RABEP1: variants seen among roughly 807,000 people sequenced by gnomAD.
RABEP1 encodes the protein rab GTPase-binding effector protein 1.
A neutral mutation model predicts 123.4 loss-of-function variants in RABEP1; 51 were observed. That is an observed-to-expected ratio of 0.41 (90% CI 0.33 to 0.52). The LOEUF (loss-of-function observed/expected upper bound fraction) is 0.52. Among genes scored for constraint, RABEP1 ranks in the 20% least tolerant of loss-of-function variants. The pLI, the probability that RABEP1 is intolerant of heterozygous loss-of-function variation, is 0.16. For synonymous variants in RABEP1, 347 were observed against 355.2 expected, an observed-to-expected ratio of 0.98 and a Z score of 0.26; for missense variants, 888 against 996.3, an observed-to-expected ratio of 0.89 and a Z score of 1.46.
intron 1 of RABEP1, among the ~76,000 whole-genome samples, chr17:5,296,887 G>A (rs2075088487): frequency 6.6e-6 from 1 of 152,100 alleles, no homozygotes; most frequent in African/African-American, 2.4e-5. Context: ...CTACAGGTGT[G>A]CACCACCACA....
chr17:5,291,784 TC>T (rs2144456774), intron 1 of RABEP1, among the ~76,000 whole-genome samples: 1 of 152,180 alleles, frequency 6.6e-6, no homozygotes, highest in East Asian at 1.9e-4. Flanking sequence ...GCGCCTGTAA[TC>T]CCAGCTACTC....
intron 4 of RABEP1, among the ~76,000 whole-genome samples, chr17:5,337,395 T>C (rs1447355446): frequency 6.6e-6 from 1 of 152,142 alleles, no homozygotes; most frequent in Non-Finnish European, 1.5e-5. Context: ...TTAAAAATTA[T>C]TTATTATGGG....
chr17:5,367,438 A>C (rs553861765), intron 11 of RABEP1, among the ~76,000 whole-genome samples: 34 of 150,888 alleles, frequency 2.3e-4, no homozygotes, highest in Middle Eastern at 6.8e-3. Flanking sequence ...CGCCCGGCTA[A>C]TTTTTTATTT....
chr17:5,380,925 C>T (rs143456858), intron 16 of RABEP1, among the ~76,000 whole-genome samples: 47 of 152,292 alleles, frequency 3.1e-4, no homozygotes, highest in Middle Eastern at 3.4e-3. Flanking sequence ...GACAGTGTTG[C>T]TGAACTGCTT....
chr17:5,322,436 A>C (rs950318301), intron 2 of RABEP1, among the ~76,000 whole-genome samples: 8 of 151,752 alleles, frequency 5.3e-5, no homozygotes, highest in Non-Finnish European at 1.0e-4. Context: ...GCAAGAGGAC[A>C]ATTATAAATA....
At chr17:5,326,998 C>G (rs144661245) in intron 2 of RABEP1, among the ~76,000 whole-genome samples, 1 of 152,096 alleles carries the variant, frequency 6.6e-6, no homozygotes, top group Admixed American at 6.5e-5. Flanking sequence ...CTGTACAGCA[C>G]GTTACTGTAC....
intron 2 of RABEP1, among the ~76,000 whole-genome samples, chr17:5,325,669 G>A (rs570856335): frequency 1.3e-5 from 2 of 151,454 alleles, no homozygotes; most frequent in African/African-American, 4.8e-5. Context: ...AGAAGAATTC[G>A]AATGGTTCTA....
chr17:5,342,089 TA>T (rs2144625961), intron 5 of RABEP1, among the ~76,000 whole-genome samples: 1 of 152,260 alleles, frequency 6.6e-6, no homozygotes, highest in African/African-American at 2.4e-5. Context: ...TTAGACCTAA[TA>T]AGAGTTCAAC....
chr17:5,329,755 T>G (rs1310076084), intron 2 of RABEP1, among the ~76,000 whole-genome samples: 1 of 151,164 alleles, frequency 6.6e-6, no homozygotes, highest in African/African-American at 2.4e-5. Flanking sequence ...TAACTTTATT[T>G]TAAATTTCTG....
chr17:5,318,854 A>G (rs1241853648), intron 2 of RABEP1, among the ~76,000 whole-genome samples: 1 of 152,212 alleles, frequency 6.6e-6, no homozygotes, highest in Non-Finnish European at 1.5e-5. Flanking sequence ...AAAGTTATAC[A>G]CTGCAGCCAC....
chr17:5,323,752 ATC>A (rs1555520523), intron 2 of RABEP1, among the ~76,000 whole-genome samples: 2 of 124,976 alleles, frequency 1.6e-5, no homozygotes, highest in Non-Finnish European at 3.3e-5. Context: ...ATATATATAT[ATC>A]TAGGAATATA....
At chr17:5,367,315 A>T (rs1242882827) in intron 11 of RABEP1, among the ~76,000 whole-genome samples, 1 of 151,770 alleles carries the variant, frequency 6.6e-6, no homozygotes, top group Non-Finnish European at 1.5e-5. Context: ...TGTGTCGCCC[A>T]GGCTAGAGTG....
At chr17:5,282,543 C>CGCGGCGGGCGCGGCCTGCCCG in intron 1 of RABEP1, 23 bp downstream of exon 1, 12 of 1,178,544 alleles carry the variant, frequency 1.0e-5, no homozygotes, top group Middle Eastern at 3.3e-4. Flanking sequence ...CCATGGCAGG[C>CGCGGCGGGCGCGGCCTGCCCG]GCGGCGGGCG....
chr17:5,335,096 C>T (rs554842522), intron 3 of RABEP1, 88 bp from the exon 4 acceptor site: 23 of 1,152,950 alleles, frequency 2.0e-5, no homozygotes, highest in Non-Finnish European at 2.7e-5. Context: ...TAGACGTAAG[C>T]TTTTTATATA....
rs990153251 is a variant in RABEP1 at position 5,362,952 on chromosome 17, T to C, written c.1604T>C (p.Met535Thr). The C allele has an allele frequency of 7.4e-6, 12 of 1,613,928 alleles. No homozygotes were observed. Among genetic ancestry groups the C allele is most frequent in the African/African-American group, 1.3e-5 (1 of 74,918 alleles). Residue 535 changes from methionine (M) to threonine (T), a missense_variant, in exon 10 of 18, where the codon ATG (methionine) becomes ACG (threonine). Coordinates refer to ENST00000537505, the MANE Select transcript of RABEP1 (RefSeq NM_004703.6). ...AATAAACTTGGTAGACGTTGTGATA[T>C]GTGTTCCAATTACGAAAAACAGTTA... ...AGNKLGRRCD[M>T]CSNYEKQLQG...
chr17:5,293,880 A>G (rs2075055794), intron 1 of RABEP1, among the ~76,000 whole-genome samples: 1 of 152,140 alleles, frequency 6.6e-6, no homozygotes, highest in Non-Finnish European at 1.5e-5. Flanking sequence ...TTTTTTCTAC[A>G]TCATTTCAAT....
At chr17:5,338,981 A>G (rs1451557787) in intron 5 of RABEP1, among the ~76,000 whole-genome samples, 1 of 151,922 alleles carries the variant, frequency 6.6e-6, no homozygotes, top group African/African-American at 2.4e-5. Flanking sequence ...ACATAGTGAG[A>G]CCCCTGTCTC....
chr17:5,354,294 A>G, intron 7 of RABEP1, 65 bp from the exon 8 acceptor site: 1 of 1,429,946 alleles, frequency 7.0e-7, no homozygotes, highest in Non-Finnish European at 9.5e-7. Context: ...TTGAATGGTT[A>G]AAGAACTGTG....
Position 5,350,613 on chromosome 17 carries a change from T to G in RABEP1, c.947T>G (p.Leu316Arg). 6.2e-7 allele frequency: 1 copy of G among 1,613,900 alleles called. No homozygotes were observed. Among genetic ancestry groups the G allele is most frequent in the Non-Finnish European group, 8.5e-7 (1 of 1,179,928 alleles). The change falls in exon 7 of 18, where the codon CTG becomes CGG. Residue 316 changes from leucine (L) to arginine (R), a missense_variant. By Grantham distance (102) the Leu-to-Arg change is moderately radical. Transcript: ENST00000537505. ...GAACAGCTCCGACAAGTTGAAGAAC[T>G]GAAGAAGAAAGATCAGGTGAATAGA... is the stretch of plus-strand genomic sequence containing the variant. Reference protein sequence around the residue: ...TSEQLRQVEELKKKDQEDDEQ... With the variant: ...TSEQLRQVEERKKKDQEDDEQ...
Sources: gnomAD v4.1 joint callset for allele counts (sites outside exome capture counted in the v4.1 genomes callset) on GRCh38, gnomAD v4.1.1 for gene constraint, MANE v1.5 for transcripts, NCBI Gene and HGNC (gene_info 2026-07-23, HGNC 2026-07-21) for gene names.